The following CLSTN2 variants were observed in gnomAD, a reference collection of about 807,000 sequenced individuals.
CLSTN2 encodes the protein calsyntenin 2, also known as calsyntenin-2.
Under a neutral mutation model 101.2 loss-of-function variants are expected in CLSTN2, and 48 were observed. The observed-to-expected ratio is 0.47, with a 90% confidence interval of 0.38 to 0.60. The LOEUF (loss-of-function observed/expected upper bound fraction) is 0.60. Among genes scored for constraint, CLSTN2 ranks in the 20% least tolerant of loss-of-function variants. CLSTN2 has a pLI of 0.00. For synonymous variants in CLSTN2, 481 were observed against 463.6 expected (o/e 1.04, Z -0.48); for missense variants, 1,160 against 1,238.2 (o/e 0.94, Z 0.95).
intron 2 of CLSTN2, among the ~76,000 whole-genome samples, chr3:140,199,329 T>C (rs999424918): frequency 2.6e-5 from 4 of 152,210 alleles, no homozygotes; most frequent in Non-Finnish European, 4.4e-5. Context: ...TATCTCATCA[T>C]TGATTTCCTT....
intron 7 of CLSTN2, chr3:140,461,451 C>G (rs536023386): frequency 6.6e-6 from 1 of 152,282 alleles, no homozygotes; most frequent in East Asian, 1.9e-4. Flanking sequence ...CCTTTCTGAG[C>G]TATATCGAGT....
chr3:140,437,721 A>C (rs752348779), intron 5 of CLSTN2, among the ~76,000 whole-genome samples: 1 of 152,232 alleles, frequency 6.6e-6, no homozygotes, highest in Non-Finnish European at 1.5e-5. Context: ...TGTTAAGAGA[A>C]CCTGAGGTAG....
intron 2 of CLSTN2, among the ~76,000 whole-genome samples, chr3:140,232,902 G>A (rs772574731): frequency 7.2e-5 from 11 of 152,138 alleles, no homozygotes; most frequent in Non-Finnish European, 1.5e-4. Context: ...TCTTTCCTGG[G>A]TGACTGCCAG....
intron 2 of CLSTN2, among the ~76,000 whole-genome samples, chr3:140,385,357 CTTTTTTTTT>C (rs546696189): frequency 3.0e-4 from 22 of 72,832 alleles, no homozygotes; most frequent in Middle Eastern, 0.021. Flanking sequence ...CCCTGATGTT[CTTTTTTTTT>C]TTTTTTTTTT....
intron 1 of CLSTN2, among the ~76,000 whole-genome samples, chr3:140,008,386 C>T (rs949695053): frequency 6.6e-6 from 1 of 152,262 alleles, no homozygotes; most frequent in Non-Finnish European, 1.5e-5. Context: ...GCTCCTGCAG[C>T]CTGCCTTACT....
intron 6 of CLSTN2, among the ~76,000 whole-genome samples, chr3:140,457,198 T>C (rs1016530628): frequency 6.6e-6 from 1 of 152,194 alleles, no homozygotes; most frequent in Non-Finnish European, 1.5e-5. Flanking sequence ...CACACATCTC[T>C]GCACCGGGCC....
chr3:140,382,693 T>C (rs1392840827), intron 2 of CLSTN2, among the ~76,000 whole-genome samples: 1 of 152,218 alleles, frequency 6.6e-6, no homozygotes, highest in Non-Finnish European at 1.5e-5. Context: ...CCCACAGCTC[T>C]GGAGGCTGAG....
At chr3:140,022,207 A>G (rs887373058) in intron 1 of CLSTN2, among the ~76,000 whole-genome samples, 2 of 152,184 alleles carry the variant, frequency 1.3e-5, no homozygotes, top group Admixed American at 6.5e-5. Flanking sequence ...TGCTCTCTGC[A>G]TGGTCCCTCC....
At chr3:140,089,266 T>C (rs1480127460) in intron 1 of CLSTN2, among the ~76,000 whole-genome samples, 1 of 152,182 alleles carries the variant, frequency 6.6e-6, no homozygotes, top group Non-Finnish European at 1.5e-5. Flanking sequence ...CCCTTTGAAA[T>C]CAAGCTTAAT....
chr3:140,224,545 A>G (rs1207306800), intron 2 of CLSTN2, among the ~76,000 whole-genome samples: 1 of 152,222 alleles, frequency 6.6e-6, no homozygotes, highest in Admixed American at 6.5e-5. Context: ...AAGCAAGCAG[A>G]TCAAAGTCCT....
At chr3:140,562,751 CTCTCT>C (rs1017457813) in intron 13 of CLSTN2, 55 bp from the exon 14 acceptor site, 4 of 1,582,438 alleles carry the variant, frequency 2.5e-6, no homozygotes, top group African/African-American at 2.7e-5. Context: ...GGCTTGTCTC[CTCTCT>C]TCTCTTCCTC....
At chr3:140,442,380 C>T (rs1932947193) in intron 5 of CLSTN2, among the ~76,000 whole-genome samples, 1 of 152,132 alleles carries the variant, frequency 6.6e-6, no homozygotes, top group Admixed American at 6.5e-5. Flanking sequence ...AATGCTTGCC[C>T]TGCCTTACCT....
intron 2 of CLSTN2, among the ~76,000 whole-genome samples, chr3:140,191,695 G>T (rs2010568275): frequency 6.6e-6 from 1 of 151,856 alleles, no homozygotes; most frequent in Non-Finnish European, 1.5e-5. Flanking sequence ...TTATGTAGTT[G>T]TCTGTAGTAT....
intron 9 of CLSTN2, among the ~76,000 whole-genome samples, chr3:140,540,170 G>A (rs571844079): frequency 2.0e-5 from 3 of 152,162 alleles, no homozygotes; most frequent in Non-Finnish European, 2.9e-5. Context: ...CCAACTCCAC[G>A]AGTTTAGGTT....
chr3:140,346,573 T>C (rs1309603920), intron 2 of CLSTN2, among the ~76,000 whole-genome samples: 1 of 152,222 alleles, frequency 6.6e-6, no homozygotes, highest in African/African-American at 2.4e-5. Flanking sequence ...ATTATGAGGA[T>C]TAAGTAAGCA....
intron 8 of CLSTN2, among the ~76,000 whole-genome samples, chr3:140,528,681 T>A (rs561308324): frequency 6.6e-6 from 1 of 151,988 alleles, no homozygotes; most frequent in East Asian, 1.9e-4. Flanking sequence ...TTCTGCTTCA[T>A]TGCCTTAGAA....
chr3:140,093,157 C>T (rs551218479), intron 1 of CLSTN2, among the ~76,000 whole-genome samples: 45 of 152,268 alleles, frequency 3.0e-4, no homozygotes, highest in African/African-American at 6.3e-4. Flanking sequence ...AACTGCAGCA[C>T]GGCCCAGGCT....
chr3:140,085,496 G>A (rs2008666682), intron 1 of CLSTN2, among the ~76,000 whole-genome samples: 2 of 152,164 alleles, frequency 1.3e-5, no homozygotes, highest in Admixed American at 1.3e-4. Context: ...CCTAGAAGCA[G>A]GGAGAGGCCA....
rs1936029553 is a variant in CLSTN2 at position 140,566,462 on chromosome 3, G to A, written c.*209G>A. 1.7e-6 allele frequency: 1 copy of A among 595,820 alleles called. No individual in the cohort carries two copies. The highest frequency in any genetic ancestry group is 3.0e-6 in the Non-Finnish European group (1 of 333,870). 36.9% of individuals were successfully genotyped at this position (595,820 alleles called of 1,614,324 possible). On this transcript the variant is annotated 3_prime_UTR_variant, in exon 17 of 17. Coordinates refer to ENST00000458420, the MANE Select transcript of CLSTN2 (RefSeq NM_022131.3). ...AGAAGCCCAGCATGGCCATCAGTGA[G>A]GACTTCAGGGTAGACTTTGTCCTGT...
Sources: allele counts gnomAD v4.1 joint callset (sites outside exome capture counted in the v4.1 genomes callset), GRCh38; gene constraint gnomAD v4.1.1; transcripts MANE v1.5; gene names NCBI Gene and HGNC (gene_info 2026-07-23, HGNC 2026-07-21).